The following AMMECR1 variants were observed in gnomAD, a reference collection of about 807,000 sequenced individuals.
The protein encoded by AMMECR1 is nuclear protein AMMECR1.
AMMECR1 carries 3 observed loss-of-function variants against 22.5 expected under a neutral mutation model. The ratio of observed to expected loss-of-function variants is 0.13; its 90% confidence interval spans 0.06 to 0.35. AMMECR1 has a LOEUF of 0.35. AMMECR1 is among the 10% of genes least tolerant of loss of function. The pLI, the probability that AMMECR1 is intolerant of heterozygous loss-of-function variation, is 1.00. For missense variants in AMMECR1, 235 were observed against 278.7 expected, an observed-to-expected ratio of 0.84 and a Z score of 1.12; for synonymous variants, 130 against 116.7, an observed-to-expected ratio of 1.11 and a Z score of -0.74.
intron 1 of AMMECR1, among the ~76,000 whole-genome samples, chrX:110,431,073 GC>G (rs1028340260): frequency 1.8e-5 from 2 of 112,017 alleles, no homozygotes; most frequent in African/African-American, 6.5e-5. Flanking sequence ...CATTCCTTTG[GC>G]TGCTCTCCAA....
chrX:110,210,142 A>G (rs2067440566), intron 3 of AMMECR1, among the ~76,000 whole-genome samples: 1 of 110,661 alleles, frequency 9.0e-6, no homozygotes, highest in Non-Finnish European at 1.9e-5. Context: ...TACTTTGTAC[A>G]GCTTGCTTCC....
intron 1 of AMMECR1, among the ~76,000 whole-genome samples, chrX:110,271,468 A>C (rs979753270): frequency 8.9e-6 from 1 of 112,364 alleles, no homozygotes; most frequent in African/African-American, 3.2e-5. Context: ...CACCACAGAC[A>C]TACAATCAGC....
chrX:110,270,522 T>C (rs2067793380), intron 1 of AMMECR1, among the ~76,000 whole-genome samples: 1 of 111,318 alleles, frequency 9.0e-6, no homozygotes, highest in Non-Finnish European at 1.9e-5. Flanking sequence ...CAAACCTAGG[T>C]GTCTTCTAAA....
intron 2 of AMMECR1, among the ~76,000 whole-genome samples, chrX:110,261,160 T>A (rs867480991): frequency 1.8e-5 from 2 of 110,979 alleles, no homozygotes; most frequent in African/African-American, 6.6e-5. Context: ...GCCACAGGAC[T>A]ATACATTTAA....
intron 1 of AMMECR1, among the ~76,000 whole-genome samples, chrX:110,305,846 G>T (rs751132535): frequency 2.7e-5 from 3 of 110,921 alleles, no homozygotes; most frequent in African/African-American, 9.8e-5. Flanking sequence ...AGCTGGGCAT[G>T]GTGGCACACA....
At chrX:110,316,714 A>T (rs182710953) in intron 1 of AMMECR1, among the ~76,000 whole-genome samples, 1 of 111,812 alleles carries the variant, frequency 8.9e-6, no homozygotes. Context: ...AATTTAAGAT[A>T]CAAAACCAAA....
chrX:110,389,880 G>C (rs906333860), intron 2 of AMMECR1, among the ~76,000 whole-genome samples: 6 of 111,957 alleles, frequency 5.4e-5, no homozygotes, highest in Admixed American at 9.5e-5. Context: ...AAAAGAAAAG[G>C]CTGAGAAGCA....
intron 1 of AMMECR1, among the ~76,000 whole-genome samples, chrX:110,428,547 A>G (rs185846217): frequency 7.2e-5 from 8 of 111,412 alleles, no homozygotes; most frequent in Non-Finnish European, 1.3e-4. Flanking sequence ...GCTTTATTGC[A>G]ATAGCCTTCT....
At chrX:110,198,744 C>T (rs1256844859) in intron 5 of AMMECR1, 110 bp from the exon 6 acceptor site, 6 of 526,503 alleles carry the variant, frequency 1.1e-5, no homozygotes. Flanking sequence ...GAAACGGGGT[C>T]CCAGAGAGAA....
intron 3 of AMMECR1, 40 bp from the exon 4 acceptor site, chrX:110,202,576 A>G (rs985011367): frequency 1.1e-6 from 1 of 876,733 alleles, no homozygotes; most frequent in Non-Finnish European, 1.7e-6. Flanking sequence ...AGTCTTCTTC[A>G]TAGAATCAGA....
At chrX:110,211,300 G>A (rs191902675) in intron 3 of AMMECR1, among the ~76,000 whole-genome samples, 133 of 112,152 alleles carry the variant, frequency 1.2e-3, no homozygotes, top group Non-Finnish European at 1.9e-3. Flanking sequence ...CTTGCTATAC[G>A]AATTCTTCTA....
At chrX:110,417,557 A>C (rs1602989222) in intron 2 of AMMECR1, among the ~76,000 whole-genome samples, 2 of 111,962 alleles carry the variant, frequency 1.8e-5, no homozygotes, top group African/African-American at 6.5e-5. Context: ...TCTTCCCAGC[A>C]GGTTTTGTGA....
rs1235089425 is a variant in AMMECR1, at chrX:110,317,823, G to A, written c.249C>T (p.Ile83=). The part of the protein sequence containing the change: ...PQGCGGGGGG[I]ALSPPPSCGV... ...CGCAGCTCGGAGGTGGCGACAGGGC[G>A]ATCCCCCCGCCGCCGCCGCCGCAGC... is the stretch of plus-strand genomic sequence containing the variant. The change falls in exon 1 of 6, where the codon ATC becomes ATT. Residue 83 remains isoleucine (I), a synonymous_variant. Coordinates refer to ENST00000262844, the MANE Select transcript of AMMECR1 (RefSeq NM_015365.3). The A allele has an allele frequency of 9.5e-6, 11 of 1,154,479 alleles. No individual in the cohort carries two copies. Among genetic ancestry groups the A allele is most frequent in the African/African-American group, 1.8e-5 (1 of 55,398 alleles).
chrX:110,377,666 C>CT (rs1234229925), intron 2 of AMMECR1, among the ~76,000 whole-genome samples: 1 of 111,506 alleles, frequency 9.0e-6, no homozygotes, highest in Non-Finnish European at 1.9e-5. Flanking sequence ...ATCATAACTT[C>CT]TGTTTTCACT....
At chrX:110,357,125 G>A (rs1454521780) in intron 2 of AMMECR1, among the ~76,000 whole-genome samples, 5 of 111,440 alleles carry the variant, frequency 4.5e-5, no homozygotes, top group Non-Finnish European at 9.4e-5. Flanking sequence ...TATTAGTATA[G>A]ATCACACATA....
intron 2 of AMMECR1, among the ~76,000 whole-genome samples, chrX:110,355,309 A>T (rs2068225995): frequency 8.9e-6 from 1 of 112,076 alleles, no homozygotes; most frequent in Non-Finnish European, 1.9e-5. Context: ...GTGAGGTGGG[A>T]GGATCACCTG....
chrX:110,265,610 A>T (rs1429059269), intron 1 of AMMECR1, among the ~76,000 whole-genome samples: 1 of 112,003 alleles, frequency 8.9e-6, no homozygotes, highest in African/African-American at 3.2e-5. Context: ...TTTTTATGAA[A>T]TAATTTACCC....
chrX:110,365,657 T>C lies in AMMECR1; in HGVS notation c.-147-47808A>G, dbSNP rs1459602153. Among the ~76,000 whole-genome samples the C allele has an allele frequency of 2.7e-5, 3 of 112,051 alleles. No individual in the cohort carries two copies. The Admixed American group carries it at 2.8e-4, about 11-fold the overall frequency. On this transcript the variant is annotated intron_variant, in intron 2 of 7. Coordinates refer to the AMMECR1 transcript ENST00000372057. Reference sequence around the variant, plus strand: ...CTATCAGTGTTCCTAGGGCTTCAAATCTGTCTGTGCAAAACACATTGCTTG... The same window carrying C: ...CTATCAGTGTTCCTAGGGCTTCAAACCTGTCTGTGCAAAACACATTGCTTG...
intron 2 of AMMECR1, among the ~76,000 whole-genome samples, chrX:110,343,606 C>T (rs955529716): frequency 1.3e-4 from 14 of 111,298 alleles, no homozygotes; most frequent in Non-Finnish European, 2.4e-4. Context: ...ATTGTCTCAG[C>T]CCCAAATCTC....
Sources: gnomAD v4.1 joint callset for allele counts (sites outside exome capture counted in the v4.1 genomes callset) on GRCh38, gnomAD v4.1.1 for gene constraint, MANE v1.5 for transcripts, NCBI Gene and HGNC (gene_info 2026-07-23, HGNC 2026-07-21) for gene names.